FAM13A: variants seen among roughly 807,000 people sequenced by gnomAD.
FAM13A encodes protein FAM13A.
Under a neutral mutation model 129.6 loss-of-function variants are expected in FAM13A, and 76 were observed. That is an observed-to-expected ratio of 0.59 (90% confidence interval 0.49 to 0.71). The LOEUF is 0.71. FAM13A is among the 30% of genes least tolerant of loss of function. The pLI, the probability that FAM13A is intolerant of heterozygous loss-of-function variation, is 0.00. For synonymous variants in FAM13A, 443 were observed against 449.9 expected (o/e 0.98, Z 0.20); for missense variants, 1,108 against 1,249.3 (o/e 0.89, Z 1.70).
chr4:89,011,730 A>G (rs1765762725), intron 3 of FAM13A, among the ~76,000 whole-genome samples: 1 of 152,128 alleles, frequency 6.6e-6, no homozygotes, highest in Non-Finnish European at 1.5e-5. Flanking sequence ...AACTCACTTA[A>G]AAGATTTTCC....
chr4:88,753,424 G>A (rs1743037726), intron 14 of FAM13A, among the ~76,000 whole-genome samples: 1 of 152,128 alleles, frequency 6.6e-6, no homozygotes, highest in South Asian at 2.1e-4. Flanking sequence ...GTCTCCCATG[G>A]TATACACGAA....
chr4:88,882,858 G>C (rs139723335), intron 6 of FAM13A, among the ~76,000 whole-genome samples: 43 of 152,196 alleles, frequency 2.8e-4, no homozygotes, highest in African/African-American at 9.9e-4. Flanking sequence ...ACAAGCAGGA[G>C]TAGCTATTCT....
chr4:88,805,124 C>A, intron 7 of FAM13A, 72 bp from the exon 8 acceptor site: 1 of 834,410 alleles, frequency 1.2e-6, no homozygotes, highest in Non-Finnish European at 2.0e-6. Flanking sequence ...TAAAAATGTT[C>A]TACCTGTAAA....
At chr4:88,905,919 G>A (rs533044728) in intron 6 of FAM13A, among the ~76,000 whole-genome samples, 1 of 152,178 alleles carries the variant, frequency 6.6e-6, no homozygotes, top group East Asian at 1.9e-4. Context: ...CTACTTCCCT[G>A]AAAAAACAAA....
intron 4 of FAM13A, among the ~76,000 whole-genome samples, chr4:88,959,673 T>G (rs1442279404): frequency 6.6e-6 from 1 of 152,220 alleles, no homozygotes; most frequent in African/African-American, 2.4e-5. Flanking sequence ...CAGGTATTTC[T>G]TTACAGCAAT....
chr4:88,949,931 TCAA>T (rs913578395), intron 4 of FAM13A, among the ~76,000 whole-genome samples: 4 of 152,174 alleles, frequency 2.6e-5, no homozygotes, highest in African/African-American at 9.6e-5. Flanking sequence ...AAGTACTACA[TCAA>T]CAATTACCCA....
intron 4 of FAM13A, among the ~76,000 whole-genome samples, chr4:88,957,567 T>C (rs1439939923): frequency 6.6e-6 from 1 of 152,172 alleles, no homozygotes; most frequent in Admixed American, 6.5e-5. Context: ...GTACCAAGGA[T>C]GGGCATTGCT....
chr4:88,834,723 C>T (rs1734518169), intron 7 of FAM13A, among the ~76,000 whole-genome samples: 1 of 152,094 alleles, frequency 6.6e-6, no homozygotes, highest in East Asian at 1.9e-4. Context: ...CTGTAAATAC[C>T]TCTGGAAATA....
chr4:88,861,108 C>T lies in FAM13A; in HGVS notation c.844-9925G>A, dbSNP rs190143570. ...TGTATAATGAAAAACCTACACCTCA[C>T]AAGTTATTATAAAAATTAAATGACA... On this transcript the variant is annotated intron_variant, in intron 6 of 23. Transcript: ENST00000264344. Among the ~76,000 whole-genome samples the T allele has an allele frequency of 1.7e-4, 26 of 152,226 alleles. 2 individuals are homozygous for T. The highest frequency in any genetic ancestry group is 5.3e-4 in the African/African-American group (22 of 41,542).
intron 6 of FAM13A, chr4:88,855,478 C>T (rs1260245457): frequency 6.6e-6 from 1 of 151,852 alleles, no homozygotes; most frequent in South Asian, 2.1e-4. Context: ...AAAATACTTA[C>T]AAAGTTTTAA....
chr4:88,796,567 G>C (rs866841105), intron 8 of FAM13A, among the ~76,000 whole-genome samples: 1 of 152,046 alleles, frequency 6.6e-6, no homozygotes. Context: ...TTTCAAATGT[G>C]TTTACTTGTT....
At chr4:88,998,039 T>C (rs1393326017) in intron 3 of FAM13A, among the ~76,000 whole-genome samples, 1 of 152,146 alleles carries the variant, frequency 6.6e-6, no homozygotes, top group African/African-American at 2.4e-5. Flanking sequence ...GCCTTACAAC[T>C]GCATGGAAGT....
chr4:88,811,888 G>C (rs1729728157), intron 7 of FAM13A, among the ~76,000 whole-genome samples: 1 of 152,180 alleles, frequency 6.6e-6, no homozygotes, highest in South Asian at 2.1e-4. Context: ...CAATGAAACA[G>C]TGTTGAGAGG....
At chr4:88,850,504 C>A (rs1737380711) in intron 7 of FAM13A, among the ~76,000 whole-genome samples, 1 of 152,100 alleles carries the variant, frequency 6.6e-6, no homozygotes, top group Non-Finnish European at 1.5e-5. Context: ...TTGCAGTGAG[C>A]CGAGATTGCG....
intron 4 of FAM13A, among the ~76,000 whole-genome samples, chr4:88,943,374 G>A (rs1755107603): frequency 6.6e-6 from 1 of 152,154 alleles, no homozygotes; most frequent in Admixed American, 6.5e-5. Flanking sequence ...GTATGGATAT[G>A]TTATTGATAT....
chr4:88,925,286 C>A (rs577981969), intron 5 of FAM13A, among the ~76,000 whole-genome samples: 168 of 152,210 alleles, frequency 1.1e-3, no homozygotes, highest in African/African-American at 3.9e-3. Flanking sequence ...TTCACAATAG[C>A]AAAGACTTGG....
rs773764813 is a variant in FAM13A, at chr4:88,961,347, C to CTTTTTTTTTT, written c.606-23116_606-23107dup. ...AAATCCTCAGCTTTGTGGAATTTGC[C>CTTTTTTTTTT]TTTTTTTTTTTTTTTTTTTTTTTTT... On this transcript the variant is annotated intron_variant, in intron 4 of 23. Transcript: ENST00000264344. Among the ~76,000 whole-genome samples the CTTTTTTTTTT allele has an allele frequency of 4.1e-4, 23 of 55,440 alleles. 4 individuals carry two copies. Among genetic ancestry groups the CTTTTTTTTTT allele is most frequent in the Non-Finnish European group, 6.1e-4 (18 of 29,386 alleles). The allele number at this position is 55,440 out of a possible 152,430, so 36.4% of individuals were successfully genotyped here.
chr4:88,986,228 G>A (rs1762230065), intron 4 of FAM13A, among the ~76,000 whole-genome samples: 1 of 151,840 alleles, frequency 6.6e-6, no homozygotes, highest in South Asian at 2.1e-4. Flanking sequence ...CCACCTCCCG[G>A]GTTCAAGTGA....
At chr4:88,864,553 C>T (rs1740057155) in intron 6 of FAM13A, among the ~76,000 whole-genome samples, 1 of 152,108 alleles carries the variant, frequency 6.6e-6, no homozygotes, top group South Asian at 2.1e-4. Context: ...GGACTACAGG[C>T]ACGCGCCACC....
Sources: allele counts gnomAD v4.1 joint callset (sites outside exome capture counted in the v4.1 genomes callset), GRCh38; gene constraint gnomAD v4.1.1; transcripts MANE v1.5; gene names NCBI Gene and HGNC (gene_info 2026-07-23, HGNC 2026-07-21).